The following LHFPL3 variants were observed in gnomAD, a reference collection of about 807,000 sequenced individuals.
LHFPL3 encodes LHFPL tetraspan subfamily member 3 protein.
In LHFPL3, 5 loss-of-function variants were observed where a neutral mutation model predicts 19.3. The observed-to-expected ratio is 0.26, with a 90% CI of 0.14 to 0.54. LHFPL3 has a LOEUF of 0.54. Ranked by LOEUF, LHFPL3 falls within the 20% of genes least tolerant of loss-of-function variation. The probability of loss-of-function intolerance (pLI) is 0.94; values close to 1 mark genes in which losing one functional copy is unlikely to be tolerated. For synonymous variants in LHFPL3, 133 were observed against 126.2 expected, an observed-to-expected ratio of 1.05 and a Z score of -0.36; for missense variants, 249 against 307.4, an observed-to-expected ratio of 0.81 and a Z score of 1.42.
chr7:104,530,713 C>T (rs1281175417), intron 1 of LHFPL3, among the ~76,000 whole-genome samples: 3 of 152,178 alleles, frequency 2.0e-5, no homozygotes, highest in African/African-American at 7.2e-5. Context: ...AGAAACGGAA[C>T]TGATTTAACA....
At chr7:104,558,556 T>C (rs986575241) in intron 1 of LHFPL3, among the ~76,000 whole-genome samples, 1 of 151,590 alleles carries the variant, frequency 6.6e-6, no homozygotes, top group Non-Finnish European at 1.5e-5. Flanking sequence ...TTTGTTTGAG[T>C]TCATTGTAGA....
At chr7:104,495,060 T>G (rs1279290256) in intron 1 of LHFPL3, among the ~76,000 whole-genome samples, 1 of 152,180 alleles carries the variant, frequency 6.6e-6, no homozygotes, top group Non-Finnish European at 1.5e-5. Flanking sequence ...TACAGTTGGT[T>G]TCCCAATATA....
At chr7:104,739,027 A>T (rs1793882241) in intron 2 of LHFPL3, 1 of 152,194 alleles carries the variant, frequency 6.6e-6, no homozygotes. Context: ...TGGGATCATC[A>T]GGCCACATTG....
intron 1 of LHFPL3, among the ~76,000 whole-genome samples, chr7:104,542,370 G>C (rs1225453376): frequency 1.3e-5 from 2 of 152,054 alleles, no homozygotes; most frequent in Non-Finnish European, 2.9e-5. Context: ...CCAGTGAATG[G>C]CTTATTTATC....
chr7:104,387,008 T>A (rs370010929), intron 1 of LHFPL3, among the ~76,000 whole-genome samples: 1 of 152,044 alleles, frequency 6.6e-6, no homozygotes, highest in Non-Finnish European at 1.5e-5. Flanking sequence ...AGAAAAGCAG[T>A]TAATAGAAAC....
At chr7:104,336,481 T>C (rs2116355470) in intron 1 of LHFPL3, among the ~76,000 whole-genome samples, 1 of 149,628 alleles carries the variant, frequency 6.7e-6, no homozygotes, top group Admixed American at 6.8e-5. Flanking sequence ...CTTGAGTGAG[T>C]GCATTTCTCA....
intron 2 of LHFPL3, among the ~76,000 whole-genome samples, chr7:104,742,972 T>A (rs541423361): frequency 8.6e-5 from 13 of 151,752 alleles, no homozygotes; most frequent in Non-Finnish European, 1.6e-4. Context: ...CAAAAAAAAA[T>A]TAGCTGGGCA....
intron 1 of LHFPL3, among the ~76,000 whole-genome samples, chr7:104,510,670 T>G (rs1793792075): frequency 1.3e-5 from 2 of 152,138 alleles, no homozygotes; most frequent in Admixed American, 6.5e-5. Flanking sequence ...GTGCATAAAA[T>G]GAAACACTGA....
At chr7:104,515,288 A>G (rs1793899916) in intron 1 of LHFPL3, among the ~76,000 whole-genome samples, 1 of 152,186 alleles carries the variant, frequency 6.6e-6, no homozygotes, top group Admixed American at 6.6e-5. Flanking sequence ...TCACTCTTTA[A>G]CAGTCTCCTG....
intron 2 of LHFPL3, among the ~76,000 whole-genome samples, chr7:104,830,996 G>A (rs1309005822): frequency 6.6e-6 from 1 of 151,802 alleles, no homozygotes; most frequent in Non-Finnish European, 1.5e-5. Context: ...CTCGCAAAAG[G>A]TACCTGATTG....
At chr7:104,559,518 G>A (rs1383392859) in intron 1 of LHFPL3, among the ~76,000 whole-genome samples, 2 of 150,316 alleles carry the variant, frequency 1.3e-5, no homozygotes, top group African/African-American at 4.9e-5. Context: ...TGTGATTTTT[G>A]TACATTGATT....
intron 1 of LHFPL3, among the ~76,000 whole-genome samples, chr7:104,465,753 A>G (rs1023383718): frequency 3.3e-5 from 5 of 152,230 alleles, no homozygotes; most frequent in Non-Finnish European, 4.4e-5. Context: ...TGTGGGGATT[A>G]TAGGAACTAC....
intron 1 of LHFPL3, among the ~76,000 whole-genome samples, chr7:104,556,114 G>A (rs1440464438): frequency 6.6e-6 from 1 of 152,206 alleles, no homozygotes; most frequent in African/African-American, 2.4e-5. Flanking sequence ...CTGGTGTTGA[G>A]TGTCTGTGGC....
chr7:104,736,529 T>A, intron 1 of LHFPL3, 146 bp from the exon 2 acceptor site: 2 of 607,088 alleles, frequency 3.3e-6, no homozygotes, highest in South Asian at 1.9e-5. Context: ...ACACACACAT[T>A]CAGAGTGACA....
At chr7:104,590,164 G>A (rs1467812800) in intron 1 of LHFPL3, among the ~76,000 whole-genome samples, 1 of 152,120 alleles carries the variant, frequency 6.6e-6, no homozygotes. Flanking sequence ...GCTTTTGAAT[G>A]TGTATGCTCT....
intron 1 of LHFPL3, among the ~76,000 whole-genome samples, chr7:104,424,983 T>TTA (rs1562893339): frequency 3.1e-5 from 2 of 65,188 alleles, no homozygotes; most frequent in Non-Finnish European, 2.8e-5. Flanking sequence ...CTCCATCTCA[T>TTA]AAAAAAAAAA....
chr7:104,815,266 G>A (rs565671153), intron 2 of LHFPL3, among the ~76,000 whole-genome samples: 16 of 152,216 alleles, frequency 1.1e-4, no homozygotes, highest in Admixed American at 6.5e-4. Flanking sequence ...TGCTGCAGCC[G>A]GCATGATGGC....
chr7:104,400,456 A>T (rs1791293804), intron 1 of LHFPL3, among the ~76,000 whole-genome samples: 1 of 152,214 alleles, frequency 6.6e-6, no homozygotes, highest in Non-Finnish European at 1.5e-5. Flanking sequence ...AAGGTAATCC[A>T]TAATGATAAG....
At chr7:104,510,835 T>G (rs921523317) in intron 1 of LHFPL3, among the ~76,000 whole-genome samples, 1 of 151,950 alleles carries the variant, frequency 6.6e-6, no homozygotes, top group Non-Finnish European at 1.5e-5. Flanking sequence ...CACTTATAAG[T>G]GGGAGCTAAA....
Sources: allele counts gnomAD v4.1 joint callset (sites outside exome capture counted in the v4.1 genomes callset), GRCh38; gene constraint gnomAD v4.1.1; transcripts MANE v1.5; gene names NCBI Gene and HGNC (gene_info 2026-07-23, HGNC 2026-07-21).